Variants in FECH observed in about 807,000 individuals in gnomAD.
FECH encodes ferrochelatase, also known as ferrochelatase, mitochondrial.
A neutral mutation model predicts 56.9 loss-of-function variants in FECH; 40 were observed. The observed-to-expected ratio is 0.70, with a 90% CI of 0.55 to 0.92. The LOEUF is 0.92. FECH is among the 40% of genes least tolerant of loss of function. FECH has a pLI of 0.00. For missense variants in FECH, 431 were observed against 529.1 expected (o/e 0.81, Z 1.82); for synonymous variants, 175 against 198.6 (o/e 0.88, Z 1.00).
At position 57,559,250 on chromosome 18, in the gene FECH, G is replaced by A. The variant is rs2050909561; in HGVS notation, c.706-7C>T. 2 of 1,574,134 alleles carry A rather than the reference G, an allele frequency of 1.3e-6. No homozygotes were observed. Among genetic ancestry groups the A allele is most frequent in the Non-Finnish European group, 1.7e-6 (2 of 1,143,832 alleles). On this transcript the variant is annotated splice_polypyrimidine_tract_variant and splice_region_variant and intron_variant, in intron 6 of 10. Coordinates refer to ENST00000262093, the MANE Select transcript of FECH (RefSeq NM_000140.5). ...GAATATGATCTGCAAAGCACTGAGT[G>A]AGTAACAAGAAAGGAGGATAAAGAG...
Position 57,569,073 on chromosome 18 carries a change from G to A in FECH, c.463+2319C>T, listed in dbSNP as rs527611781. 8.5e-5 allele frequency among the ~76,000 whole-genome samples: 13 copies of A among 152,294 alleles called. No individual in the cohort carries two copies. The South Asian group carries it at 1.9e-3, about 22-fold the overall frequency. On this transcript the variant is annotated intron_variant, in intron 4 of 10. Transcript: ENST00000262093. Reference sequence around the variant, plus strand: ...GAAAGGAACCCATACGCCTATCCACGCTGCATCCGGGAAAGAACAGAATTA... The same window carrying A: ...GAAAGGAACCCATACGCCTATCCACACTGCATCCGGGAAAGAACAGAATTA...
intron 1 of FECH, among the ~76,000 whole-genome samples, chr18:57,582,010 A>G (rs553511446): frequency 6.6e-6 from 1 of 151,532 alleles, no homozygotes; most frequent in Admixed American, 6.6e-5. Context: ...GTGTTTTAAA[A>G]AAAAAAAAAT....
At position 57,545,677 on chromosome 18, in the gene FECH, G is replaced by A. The variant is rs150015302; in HGVS notation, c.*5035C>T. 3.3e-5 allele frequency among the ~76,000 whole-genome samples: 5 copies of A among 152,208 alleles called. No individual in the cohort carries two copies. In the East Asian group the frequency reaches 7.7e-4, roughly 24 times the overall value. On this transcript the variant is annotated 3_prime_UTR_variant, in exon 11 of 11. Coordinates refer to ENST00000262093, the MANE Select transcript of FECH (RefSeq NM_000140.5). ...ATTTACTTCTCTGAAGCACCTGCAG[G>A]TACCCACCACTTGGCTGAGTGCTAT...
intron 3 of FECH, among the ~76,000 whole-genome samples, chr18:57,571,820 C>A (rs2051115050): frequency 6.6e-6 from 1 of 152,174 alleles, no homozygotes. Flanking sequence ...TGCAGAGAAA[C>A]CTGGATGTGC....
intron 2 of FECH, among the ~76,000 whole-genome samples, chr18:57,575,695 A>G (rs886177210): frequency 1.2e-4 from 18 of 152,220 alleles, no homozygotes; most frequent in South Asian, 8.3e-4. Flanking sequence ...AAGTGCTGAG[A>G]TTACAGGTGT....
chr18:57,578,143 C>A (rs1475940297), intron 2 of FECH, among the ~76,000 whole-genome samples: 1 of 152,142 alleles, frequency 6.6e-6, no homozygotes, highest in African/African-American at 2.4e-5. Context: ...GGATTCCAAA[C>A]TGAATCAGTT....
chr18:57,574,652 C>T (rs982761766), intron 2 of FECH, among the ~76,000 whole-genome samples: 1 of 152,264 alleles, frequency 6.6e-6, no homozygotes, highest in Non-Finnish European at 1.5e-5. Flanking sequence ...TCCTAAGCCC[C>T]GCCAGAGGGC....
intron 1 of FECH, among the ~76,000 whole-genome samples, chr18:57,585,130 C>T (rs925059325): frequency 6.6e-6 from 1 of 151,996 alleles, no homozygotes; most frequent in African/African-American, 2.4e-5. Flanking sequence ...CCGGAAGCTT[C>T]TTATTAATTC....
chr18:57,558,575 A>C (rs1375509726), intron 7 of FECH, among the ~76,000 whole-genome samples: 1 of 152,226 alleles, frequency 6.6e-6, no homozygotes, highest in Admixed American at 6.5e-5. Flanking sequence ...GCCTTCTCTT[A>C]ACTGTCCCAC....
chr18:57,569,057 C>T (rs2051056917), intron 4 of FECH, among the ~76,000 whole-genome samples: 1 of 152,188 alleles, frequency 6.6e-6, no homozygotes, highest in African/African-American at 2.4e-5. Context: ...AGAAAGGAAC[C>T]CATACGCCTA....
At position 57,547,238 on chromosome 18, in the gene FECH, G is replaced by T. The variant is rs971256526; in HGVS notation, c.*3474C>A. On this transcript the variant is annotated 3_prime_UTR_variant, in exon 11 of 11. Transcript: ENST00000262093. The stretch of plus-strand genomic sequence containing the variant: ...GCTGGAATGAGTTAAGACTCTGGAG[G>T]ACTGTTGTGAAGGCATGATTGGTTT... Among the ~76,000 whole-genome samples, 7 of 152,146 alleles carry T rather than the reference G, an allele frequency of 4.6e-5. No homozygotes were observed. Among genetic ancestry groups the T allele is most frequent in the African/African-American group, 1.7e-4 (7 of 41,438 alleles).
At chr18:57,550,965 G>A in intron 10 of FECH, 119 bp from the exon 11 acceptor site, 1 of 1,359,830 alleles carries the variant, frequency 7.4e-7, no homozygotes, top group Middle Eastern at 2.5e-4. Flanking sequence ...TCATCCGAGT[G>A]GTGAGCCCTT....
intron 1 of FECH, among the ~76,000 whole-genome samples, chr18:57,583,388 G>A (rs1014586086): frequency 2.0e-5 from 3 of 152,298 alleles, no homozygotes; most frequent in African/African-American, 7.2e-5. Context: ...AATCCCACAC[G>A]GGACCAAGAG....
chr18:57,554,867 T>G lies in FECH; in HGVS notation c.890A>C (p.Tyr297Ser). 1.2e-6 allele frequency: 2 copies of G among 1,614,116 alleles called. No individual in the cohort carries two copies. Among genetic ancestry groups the G allele is most frequent in the Non-Finnish European group, 1.7e-6 (2 of 1,179,978 alleles). The change falls in exon 8 of 11, where the codon TAC becomes TCC. Residue 297 changes from tyrosine to serine, a missense_variant. Coordinates refer to ENST00000262093, the MANE Select transcript of FECH (RefSeq NM_000140.5). Reference sequence around the variant, plus strand: ...TACCTTGGATTGCCACACCAGTCGGTAGGGGTTGCAGTACTCCAGCCTTTC... The same window carrying G: ...TACCTTGGATTGCCACACCAGTCGGGAGGGGTTGCAGTACTCCAGCCTTTC... Reference protein sequence around the residue: ...VMERLEYCNPYRLVWQSKVGP... With the variant: ...VMERLEYCNPSRLVWQSKVGP...
Position 57,573,653 on chromosome 18 carries a change from C to T in FECH, c.195-288G>A, listed in dbSNP as rs866768048. Among the ~76,000 whole-genome samples, 10 of 152,122 alleles carry T rather than the reference C, an allele frequency of 6.6e-5. 1 individual carries two copies. The South Asian group carries it at 1.9e-3, about 28-fold the overall frequency. ...GTCTCGGCCTGAAGAGAGATCGAAC[C>T]TTTAGGGACTGGGAGTCAAGGTAGA... On this transcript the variant is annotated intron_variant, in intron 2 of 10. Transcript: ENST00000262093.
intron 2 of FECH, among the ~76,000 whole-genome samples, chr18:57,574,732 C>A (rs190278093): frequency 3.3e-5 from 5 of 152,352 alleles, no homozygotes; most frequent in African/African-American, 1.2e-4. Context: ...CCTTGCGTGT[C>A]CCCATGAGCA....
chr18:57,557,354 C>A (rs953492249), intron 7 of FECH, among the ~76,000 whole-genome samples: 2 of 152,178 alleles, frequency 1.3e-5, no homozygotes, highest in Non-Finnish European at 2.9e-5. Flanking sequence ...CCTCCCCATA[C>A]CTGACTTATC....
chr18:57,565,931 A>G (rs1160033772), intron 5 of FECH, among the ~76,000 whole-genome samples: 2 of 152,268 alleles, frequency 1.3e-5, no homozygotes, highest in African/African-American at 2.4e-5. Context: ...TCCAAAATCA[A>G]GAAAACAGAA....
intron 4 of FECH, 75 bp downstream of exon 4, chr18:57,571,317 T>C (rs1335226044): frequency 1.3e-5 from 19 of 1,483,354 alleles, no homozygotes; most frequent in Non-Finnish European, 1.7e-5. Context: ...GCATTTAGCA[T>C]CTACTACTCT....
Sources: gnomAD v4.1 joint callset for allele counts (sites outside exome capture counted in the v4.1 genomes callset) on GRCh38, gnomAD v4.1.1 for gene constraint, MANE v1.5 for transcripts, NCBI Gene and HGNC (gene_info 2026-07-23, HGNC 2026-07-21) for gene names.